The following ENOSF1 variants were observed in gnomAD, a reference collection of about 807,000 sequenced individuals.
The protein encoded by ENOSF1 is mitochondrial enolase superfamily member 1.
ENOSF1 carries 73 observed loss-of-function variants against 68.2 expected under a neutral mutation model. The ratio of observed to expected loss-of-function variants is 1.07; its 90% CI spans 0.89 to 1.30. The LOEUF is 1.30. ENOSF1 is among the 50% of genes most tolerant of loss of function. ENOSF1 has a pLI of 0.00. For missense variants in ENOSF1, 589 were observed against 554.5 expected (o/e 1.06, Z -0.62); for synonymous variants, 223 against 210.4 (o/e 1.06, Z -0.52).
chr18:674,187 C>T lies in ENOSF1; in HGVS notation c.*118G>A, dbSNP rs1382978159. ...TAGCTGATTCCTGAGGGTGGTATGA[C>T]TTCTAGCTGAACTCATCTTGATCGG... is the stretch of plus-strand genomic sequence containing the variant. On this transcript the variant is annotated 3_prime_UTR_variant, in exon 16 of 16. Transcript: ENST00000647584. The T allele has an allele frequency of 5.7e-6, 4 of 701,090 alleles. No individual in the cohort carries two copies. The highest frequency in any genetic ancestry group is 5.5e-5 in the African/African-American group (3 of 54,854). 43.4% of individuals were successfully genotyped at this position (701,090 alleles called of 1,614,324 possible).
intron 11 of ENOSF1, among the ~76,000 whole-genome samples, chr18:682,067 T>A (rs2144716301): frequency 6.6e-6 from 1 of 152,280 alleles, no homozygotes; most frequent in Admixed American, 6.5e-5. Flanking sequence ...ATGGGGAGTG[T>A]ATAGCTATGC....
intron 2 of ENOSF1, among the ~76,000 whole-genome samples, chr18:705,392 G>A (rs1290451899): frequency 6.6e-6 from 1 of 152,146 alleles, no homozygotes; most frequent in Admixed American, 6.5e-5. Flanking sequence ...GCATTTAAAA[G>A]TTCTGAAGAG....
At chr18:683,048 G>C in intron 11 of ENOSF1, 198 bp downstream of exon 11, 1 of 631,926 alleles carries the variant, frequency 1.6e-6, no homozygotes, top group Non-Finnish European at 2.6e-6. Flanking sequence ...ACAGAAATAA[G>C]GGCAAAGTAT....
chr18:700,180 T>C (rs2078178402), intron 2 of ENOSF1, among the ~76,000 whole-genome samples: 1 of 152,176 alleles, frequency 6.6e-6, no homozygotes, highest in Non-Finnish European at 1.5e-5. Flanking sequence ...AGATGTAGCA[T>C]TTAGGGCTGA....
chr18:676,387 C>T (rs2075517035), intron 14 of ENOSF1, among the ~76,000 whole-genome samples: 1 of 146,224 alleles, frequency 6.8e-6, no homozygotes, highest in African/African-American at 2.6e-5. Context: ...GGTTTGGCAC[C>T]CGTTCCTTGG....
intron 14 of ENOSF1, 195 bp from the exon 15 acceptor site, chr18:675,597 G>A: frequency 1.7e-6 from 1 of 581,554 alleles, no homozygotes; most frequent in Non-Finnish European, 3.1e-6. Flanking sequence ...ATAGCAATGT[G>A]AGGTGGGGAC....
intron 10 of ENOSF1, among the ~76,000 whole-genome samples, chr18:683,983 G>A (rs1339516671): frequency 6.8e-6 from 1 of 147,226 alleles, no homozygotes; most frequent in East Asian, 2.0e-4. Flanking sequence ...GAAGCCCGTG[G>A]ATTTCTTTTC....
At chr18:704,873 T>C (rs2078765949) in intron 2 of ENOSF1, among the ~76,000 whole-genome samples, 1 of 152,170 alleles carries the variant, frequency 6.6e-6, no homozygotes, top group Non-Finnish European at 1.5e-5. Flanking sequence ...CCCAAAGTGC[T>C]GGGATTACAG....
At chr18:679,125 C>T (rs1219726361) in intron 11 of ENOSF1, among the ~76,000 whole-genome samples, 1 of 151,962 alleles carries the variant, frequency 6.6e-6, no homozygotes, top group Non-Finnish European at 1.5e-5. Flanking sequence ...AACCTTTGGA[C>T]GACTCCTTCC....
intron 10 of ENOSF1, among the ~76,000 whole-genome samples, chr18:684,759 A>C (rs2076456693): frequency 6.6e-6 from 1 of 152,078 alleles, no homozygotes; most frequent in African/African-American, 2.4e-5. Context: ...CTCATCCCTG[A>C]TCTTATTGTG....
At chr18:710,424 T>C (rs1304771309) in intron 1 of ENOSF1, among the ~76,000 whole-genome samples, 1 of 152,196 alleles carries the variant, frequency 6.6e-6, no homozygotes, top group African/African-American at 2.4e-5. Context: ...CAGGCTGTCT[T>C]AACATTTCAC....
chr18:686,962 G>A (rs930556889), intron 9 of ENOSF1: 4 of 152,222 alleles, frequency 2.6e-5, no homozygotes, highest in Non-Finnish European at 4.4e-5. Context: ...GGCTTCCTGT[G>A]CTGGGAAGAG....
intron 11 of ENOSF1, chr18:682,946 T>G: frequency 3.6e-6 from 1 of 277,764 alleles, no homozygotes. Context: ...GCTGTCACAT[T>G]TCTGTATTTA....
intron 11 of ENOSF1, among the ~76,000 whole-genome samples, chr18:679,234 G>A (rs1272308872): frequency 7.6e-6 from 1 of 131,652 alleles, no homozygotes; most frequent in Admixed American, 8.4e-5. Context: ...TTTTGAGACC[G>A]AGTCTTGCTC....
chr18:689,832 AG>A (rs2076973530), intron 8 of ENOSF1, among the ~76,000 whole-genome samples: 1 of 152,310 alleles, frequency 6.6e-6, no homozygotes, highest in East Asian at 1.9e-4. Flanking sequence ...GCTGGGGACC[AG>A]AAAGACCTGA....
rs556695069 is a variant in ENOSF1, at chr18:690,618, C to A, written c.549G>T (p.Leu183=). 1.5e-5 allele frequency: 24 copies of A among 1,613,692 alleles called. 2 individuals are homozygous for A. In the South Asian group the frequency reaches 2.6e-4, roughly 18 times the overall value. ...IGKKEREKQM[L]AQGYPAYTTS... is the part of the protein sequence containing the mutation. ...TCGTGTAAGCAGGGTATCCTTGTGC[C>A]AGCATTTGCTTCTCTGTGAAAACAC... Residue 183 remains leucine (L), a synonymous_variant, in exon 8 of 16, where the codon CTG becomes CTT. Coordinates refer to ENST00000647584, the MANE Select transcript of ENOSF1 (RefSeq NM_017512.7).
At chr18:683,094 C>A in intron 11 of ENOSF1, 152 bp downstream of exon 11, 1 of 887,800 alleles carries the variant, frequency 1.1e-6, no homozygotes, top group Non-Finnish European at 1.7e-6. Flanking sequence ...AGGTCTGTAA[C>A]CCCTGTATTT....
At chr18:669,867 C>T (rs184315178), downstream of ENOSF1, among the ~76,000 whole-genome samples, 785 of 151,710 alleles carry the variant, frequency 5.2e-3, 4 homozygotes, top group Non-Finnish European at 6.7e-3. Flanking sequence ...GAGGCCAAGG[C>T]GAGAGGATCA....
intron 10 of ENOSF1, among the ~76,000 whole-genome samples, chr18:684,017 A>G (rs916153553): frequency 2.0e-4 from 30 of 149,748 alleles, no homozygotes; most frequent in Non-Finnish European, 3.7e-4. Flanking sequence ...TTTTTGAGAC[A>G]GAGTCTCGCT....
Sources: allele counts gnomAD v4.1 joint callset (sites outside exome capture counted in the v4.1 genomes callset), GRCh38; gene constraint gnomAD v4.1.1; transcripts MANE v1.5; gene names NCBI Gene and HGNC (gene_info 2026-07-23, HGNC 2026-07-21).